MBNL1: variants seen among roughly 807,000 people sequenced by gnomAD.
MBNL1 encodes the protein muscleblind-like protein 1.
In MBNL1, 8 loss-of-function variants were observed where a neutral mutation model predicts 42.2. That is an observed-to-expected ratio of 0.19 (90% CI 0.11 to 0.34). The LOEUF (loss-of-function observed/expected upper bound fraction) is 0.34. Ranked by LOEUF, MBNL1 falls within the 10% of genes least tolerant of loss-of-function variation. MBNL1 has a pLI of 1.00. For missense variants in MBNL1, 309 were observed against 495.3 expected (o/e 0.62, Z 3.57); for synonymous variants, 169 against 173.9 (o/e 0.97, Z 0.22).
intron 2 of MBNL1, among the ~76,000 whole-genome samples, chr3:152,414,184 C>T (rs1223971890): frequency 6.6e-6 from 1 of 152,230 alleles, no homozygotes; most frequent in Non-Finnish European, 1.5e-5. Context: ...AGGTAGTGCA[C>T]CGCCATTCCT....
intron 2 of MBNL1, among the ~76,000 whole-genome samples, chr3:152,366,667 G>C (rs2153216540): frequency 6.6e-6 from 1 of 152,266 alleles, no homozygotes; most frequent in South Asian, 2.1e-4. Context: ...ACAGGTGTAA[G>C]ACTGCAATTT....
rs182260042 is a variant in MBNL1 at position 152,325,831 on chromosome 3, T to C, written c.174+25464T>C. On this transcript the variant is annotated intron_variant, in intron 2 of 9. Transcript: ENST00000324210. ...CCCTGTGATTTCTGTCTTTTTTGTT[T>C]GTTAAGTTTAAAAAATTTATGGCAA... Among the ~76,000 whole-genome samples, 27 of 152,160 alleles carry C rather than the reference T, an allele frequency of 1.8e-4. No individual in the cohort carries two copies. The East Asian group carries it at 5.0e-3, about 28-fold the overall frequency.
chr3:152,300,376 C>G lies in MBNL1; in HGVS notation c.174+9C>G. The G allele has an allele frequency of 2.5e-6, 4 of 1,607,914 alleles. No individual in the cohort carries two copies. Among genetic ancestry groups the G allele is most frequent in the African/African-American group, 2.7e-5 (2 of 74,864 alleles). On this transcript the variant is annotated intron_variant, in intron 2 of 9. Coordinates refer to ENST00000324210, the MANE Select transcript of MBNL1 (RefSeq NM_021038.5). ...GCTTTGATTCATTGAAAGTGAGTAA[C>G]TATTATATTCTTTTAAGGATATTCA...
chr3:152,310,491 G>A (rs958565808), intron 2 of MBNL1, among the ~76,000 whole-genome samples: 1 of 152,220 alleles, frequency 6.6e-6, no homozygotes, highest in South Asian at 2.1e-4. Context: ...CAGTGACCTC[G>A]TATAGACAAA....
intron 1 of MBNL1, among the ~76,000 whole-genome samples, chr3:152,272,864 C>T (rs1045608911): frequency 5.9e-5 from 9 of 152,134 alleles, no homozygotes; most frequent in Admixed American, 6.5e-5. Flanking sequence ...AACTGAAGTA[C>T]ATTTTGCCAT....
intron 2 of MBNL1, among the ~76,000 whole-genome samples, chr3:152,342,553 A>AACACACACACACACACACACACAC (rs111644138): frequency 8.6e-4 from 126 of 146,100 alleles, no homozygotes; most frequent in African/African-American, 3.2e-3. Context: ...AACTAAACAA[A>AACACACACACACACACACACACAC]ACACACACAC....
In MBNL1 at chr3:152,288,191, T is replaced by G. The variant is rs1284788757; in HGVS notation, c.-789-11214T>G. Reference sequence around the variant, plus strand: ...GGTACTTTATTCTGTAGACTGTTATTTAATAACTAAGAAAGAGAGTTTGAG... The same window carrying G: ...GGTACTTTATTCTGTAGACTGTTATGTAATAACTAAGAAAGAGAGTTTGAG... On this transcript the variant is annotated intron_variant, in intron 1 of 9. Coordinates refer to ENST00000324210, the MANE Select transcript of MBNL1 (RefSeq NM_021038.5). Among the ~76,000 whole-genome samples the G allele has an allele frequency of 2.6e-5, 4 of 152,334 alleles. No homozygotes were observed. In the South Asian group the frequency reaches 6.2e-4, roughly 24 times the overall value.
chr3:152,307,578 G>C (rs575076992), intron 2 of MBNL1, among the ~76,000 whole-genome samples: 6 of 152,090 alleles, frequency 3.9e-5, no homozygotes, highest in Admixed American at 3.9e-4. Context: ...ATAGTTACTG[G>C]TGTTACTTCC....
chr3:152,254,010 A>C, intron 2 of MBNL1, among the ~76,000 whole-genome samples: 1 of 152,118 alleles, frequency 6.6e-6, no homozygotes, highest in Non-Finnish European at 1.5e-5. Flanking sequence ...TTTGTTGTTC[A>C]TGTTACCTTT....
chr3:152,319,858 A>G (rs1243462982), intron 2 of MBNL1, among the ~76,000 whole-genome samples: 1 of 151,994 alleles, frequency 6.6e-6, no homozygotes. Flanking sequence ...TTGACAGAAG[A>G]GTTTAATTCT....
intron 2 of MBNL1, among the ~76,000 whole-genome samples, chr3:152,318,011 A>G (rs1376598378): frequency 6.6e-6 from 1 of 152,236 alleles, no homozygotes; most frequent in South Asian, 2.1e-4. Flanking sequence ...GACTGCAAGT[A>G]CTGTTGCTTT....
At chr3:152,448,564 C>G (rs1404834031) in intron 6 of MBNL1, among the ~76,000 whole-genome samples, 1 of 152,072 alleles carries the variant, frequency 6.6e-6, no homozygotes, top group Non-Finnish European at 1.5e-5. Context: ...ATCTCACTTT[C>G]CTCTTTATTG....
chr3:152,295,241 C>T (rs2058076928), intron 1 of MBNL1, among the ~76,000 whole-genome samples: 1 of 152,092 alleles, frequency 6.6e-6, no homozygotes, highest in Admixed American at 6.5e-5. Flanking sequence ...ATAATCAGAA[C>T]ACTGATTTGC....
intron 3 of MBNL1, among the ~76,000 whole-genome samples, chr3:152,420,831 G>A (rs1048046964): frequency 3.3e-5 from 5 of 150,880 alleles, no homozygotes; most frequent in Non-Finnish European, 7.3e-5. Flanking sequence ...TGAGCTAAAG[G>A]AACATGTTTT....
intron 2 of MBNL1, among the ~76,000 whole-genome samples, chr3:152,250,822 G>C (rs941279571): frequency 6.6e-6 from 1 of 151,802 alleles, no homozygotes; most frequent in Non-Finnish European, 1.5e-5. Context: ...GAGAGTTTTT[G>C]GCATGAAGGG....
intron 1 of MBNL1, chr3:152,244,080 C>T (rs1338164334): frequency 6.6e-6 from 1 of 152,272 alleles, no homozygotes; most frequent in Non-Finnish European, 1.5e-5. Flanking sequence ...GCTGGGATTA[C>T]AGGCGTCAGC....
At chr3:152,318,815 G>C (rs531064793) in intron 2 of MBNL1, among the ~76,000 whole-genome samples, 225 of 152,152 alleles carry the variant, frequency 1.5e-3, no homozygotes, top group Non-Finnish European at 5.9e-4. Context: ...AATCAATCCA[G>C]ATTCAAAAAA....
At chr3:152,281,584 G>C (rs900620786) in intron 1 of MBNL1, among the ~76,000 whole-genome samples, 1 of 151,954 alleles carries the variant, frequency 6.6e-6, no homozygotes, top group African/African-American at 2.4e-5. Flanking sequence ...CCCAGCACTC[G>C]CCAAGATCAG....
At chr3:152,388,884 G>T (rs116169076) in intron 2 of MBNL1, among the ~76,000 whole-genome samples, 1,722 of 152,254 alleles carry the variant, frequency 0.011, 14 homozygotes, top group Non-Finnish European at 0.015. Context: ...ATGTTCTAAC[G>T]TAAGGGCAAA....
Sources: allele counts gnomAD v4.1 joint callset (sites outside exome capture counted in the v4.1 genomes callset), GRCh38; gene constraint gnomAD v4.1.1; transcripts MANE v1.5; gene names NCBI Gene and HGNC (gene_info 2026-07-23, HGNC 2026-07-21).